The following GABBR2 variants were observed in gnomAD, a reference collection of about 807,000 sequenced individuals.
The protein encoded by GABBR2 is G-protein coupled receptor 51.
Under a neutral mutation model 105.6 loss-of-function variants are expected in GABBR2, and 23 were observed. That is an observed-to-expected ratio of 0.22 (90% confidence interval 0.16 to 0.31). GABBR2 has a LOEUF of 0.31. Ranked by LOEUF, GABBR2 falls within the 10% of genes least tolerant of loss-of-function variation. The pLI is 1.00. For synonymous variants in GABBR2, 478 were observed against 499.7 expected (o/e 0.96, Z 0.58); for missense variants, 734 against 1,245.5 (o/e 0.59, Z 6.18).
At chr9:98,342,782 G>T (rs1012870102) in intron 13 of GABBR2, among the ~76,000 whole-genome samples, 4 of 152,210 alleles carry the variant, frequency 2.6e-5, no homozygotes, top group Non-Finnish European at 5.9e-5. Flanking sequence ...GGCCACCTGT[G>T]AGCAGCCTAC....
intron 1 of GABBR2, among the ~76,000 whole-genome samples, chr9:98,690,441 T>C (rs1830669785): frequency 1.3e-5 from 2 of 152,136 alleles, no homozygotes; most frequent in Admixed American, 1.3e-4. Context: ...TACATCAGCT[T>C]CTTTATCAGT....
At chr9:98,449,404 A>G (rs936648062) in intron 7 of GABBR2, among the ~76,000 whole-genome samples, 1 of 152,128 alleles carries the variant, frequency 6.6e-6, no homozygotes, top group Non-Finnish European at 1.5e-5. Flanking sequence ...AGAGGAGTGA[A>G]TGAATGTAGG....
intron 2 of GABBR2, among the ~76,000 whole-genome samples, chr9:98,564,806 C>T (rs978007383): frequency 6.6e-6 from 1 of 152,096 alleles, no homozygotes; most frequent in African/African-American, 2.4e-5. Flanking sequence ...ACTGAAACCT[C>T]ATCAGGGATT....
chr9:98,560,414 CACATAT>C (rs1282756969), intron 2 of GABBR2, among the ~76,000 whole-genome samples: 1 of 100,730 alleles, frequency 9.9e-6, no homozygotes, highest in East Asian at 4.1e-4. Flanking sequence ...CACACACACA[CACATAT>C]ACACATACAC....
intron 3 of GABBR2, among the ~76,000 whole-genome samples, chr9:98,534,012 C>T (rs1828121295): frequency 6.6e-6 from 1 of 152,230 alleles, no homozygotes; most frequent in African/African-American, 2.4e-5. Context: ...CCGTCCTCCC[C>T]TGCAGGAGTG....
chr9:98,355,021 G>A (rs1324105103), intron 13 of GABBR2, among the ~76,000 whole-genome samples: 3 of 152,124 alleles, frequency 2.0e-5, no homozygotes, highest in Non-Finnish European at 4.4e-5. Context: ...AACACTTAGA[G>A]ACAACTGCAG....
intron 3 of GABBR2, among the ~76,000 whole-genome samples, chr9:98,517,980 A>G (rs2779568): frequency 0.48 from 73,155 of 151,798 alleles, 18,198 homozygotes; most frequent in East Asian, 0.76. Flanking sequence ...GGAGCCCAGT[A>G]GGAGTTAGGG....
At chr9:98,633,724 A>G (rs1829843887) in intron 1 of GABBR2, among the ~76,000 whole-genome samples, 1 of 152,038 alleles carries the variant, frequency 6.6e-6, no homozygotes, top group Non-Finnish European at 1.5e-5. Flanking sequence ...TCGGACCCCA[A>G]CTGCAGGAGC....
intron 6 of GABBR2, among the ~76,000 whole-genome samples, chr9:98,467,066 TC>T (rs1247199185): frequency 6.6e-6 from 1 of 152,106 alleles, no homozygotes; most frequent in East Asian, 1.9e-4. Flanking sequence ...TTTCTAGAAG[TC>T]CCACATAACA....
intron 8 of GABBR2, among the ~76,000 whole-genome samples, chr9:98,405,123 A>C (rs1354857124): frequency 6.6e-6 from 1 of 152,152 alleles, no homozygotes; most frequent in Non-Finnish European, 1.5e-5. Context: ...CTACAGCAAA[A>C]AAAGGGGGGA....
intron 1 of GABBR2, among the ~76,000 whole-genome samples, chr9:98,701,610 T>C (rs1830830630): frequency 6.6e-6 from 1 of 152,068 alleles, no homozygotes; most frequent in Admixed American, 6.5e-5. Context: ...TGCAGGCTGC[T>C]CATTAAGCTC....
intron 1 of GABBR2, among the ~76,000 whole-genome samples, chr9:98,673,243 G>A (rs1303979142): frequency 6.6e-6 from 1 of 152,182 alleles, no homozygotes; most frequent in African/African-American, 2.4e-5. Flanking sequence ...AGAGGCAAAA[G>A]GAATATAAGG....
At position 98,685,064 on chromosome 9, in the gene GABBR2, C is replaced by T. The variant is rs145506866; in HGVS notation, c.321+23353G>A. Reference sequence around the variant, plus strand: ...GTGAACTAGGAGATGCAGATTCACCCTCAATCTGGGTGGGCACCATCTAAT... The same window carrying T: ...GTGAACTAGGAGATGCAGATTCACCTTCAATCTGGGTGGGCACCATCTAAT... On this transcript the variant is annotated intron_variant, in intron 1 of 18. Transcript: ENST00000259455. Among the ~76,000 whole-genome samples, 340 of 152,322 alleles carry T rather than the reference C, an allele frequency of 2.2e-3. 1 individual carries two copies. The highest frequency in any genetic ancestry group is 8.0e-3 in the African/African-American group (334 of 41,568).
chr9:98,351,417 A>G (rs1831397090), intron 13 of GABBR2, among the ~76,000 whole-genome samples: 1 of 82,068 alleles, frequency 1.2e-5, no homozygotes, highest in Non-Finnish European at 3.1e-5. Context: ...TCTACCAGTG[A>G]GTTATACTTT....
intron 3 of GABBR2, among the ~76,000 whole-genome samples, chr9:98,513,733 C>T (rs201949744): frequency 0.046 from 6,968 of 152,066 alleles, 242 homozygotes; most frequent in South Asian, 0.12. Flanking sequence ...GTTAGAATGG[C>T]GATCATTAAA....
intron 6 of GABBR2, among the ~76,000 whole-genome samples, chr9:98,458,563 C>T (rs750672729): frequency 1.3e-5 from 2 of 152,018 alleles, no homozygotes; most frequent in South Asian, 2.1e-4. Flanking sequence ...AAGTTAGCTG[C>T]GCGTGGTGGC....
chr9:98,581,791 C>T (rs1305032237), intron 1 of GABBR2, among the ~76,000 whole-genome samples: 1 of 152,042 alleles, frequency 6.6e-6, no homozygotes. Context: ...TACTACAGTA[C>T]CACAGGATTT....
chr9:98,364,412 TCTG>T (rs1831640853), intron 12 of GABBR2, among the ~76,000 whole-genome samples: 2 of 152,152 alleles, frequency 1.3e-5, no homozygotes, highest in African/African-American at 4.8e-5. Flanking sequence ...CCTGCACCTT[TCTG>T]CTGGCATACT....
At chr9:98,654,158 T>C (rs1040056361) in intron 1 of GABBR2, among the ~76,000 whole-genome samples, 2 of 152,214 alleles carry the variant, frequency 1.3e-5, no homozygotes, top group African/African-American at 4.8e-5. Flanking sequence ...CAGACCTATG[T>C]TGCACTGGTC....
Sources: allele counts gnomAD v4.1 joint callset (sites outside exome capture counted in the v4.1 genomes callset), GRCh38; gene constraint gnomAD v4.1.1; transcripts MANE v1.5; gene names NCBI Gene and HGNC (gene_info 2026-07-23, HGNC 2026-07-21).